Variants in BRSK1 observed in about 807,000 individuals in gnomAD.
BRSK1 encodes the protein BR serine/threonine kinase 1, also known as serine/threonine-protein kinase BRSK1.
Under a neutral mutation model 86.2 loss-of-function variants are expected in BRSK1, and 17 were observed. The ratio of observed to expected loss-of-function variants is 0.20; its 90% CI spans 0.14 to 0.30. The LOEUF (loss-of-function observed/expected upper bound fraction) is 0.30. Ranked by LOEUF, BRSK1 falls within the 10% of genes least tolerant of loss-of-function variation. The pLI, the probability that BRSK1 is intolerant of heterozygous loss-of-function variation, is 1.00. For missense variants in BRSK1, 719 were observed against 1,071.9 expected, an observed-to-expected ratio of 0.67 and a Z score of 4.60; for synonymous variants, 464 against 440.1, an observed-to-expected ratio of 1.05 and a Z score of -0.68.
At position 55,306,830 on chromosome 19, in the gene BRSK1, T is replaced by G. The variant is rs2088657142; in HGVS notation, c.2089+380T>G. 6.6e-6 allele frequency among the ~76,000 whole-genome samples: 1 copy of G among 152,102 alleles called. No homozygotes were observed. The highest frequency in any genetic ancestry group is 6.6e-5 in the Admixed American group (1 of 15,264). ...GCAGCCCAACCCAGGCCTCCCAACT[T>G]CAGAGGAGAGAGCCCAGCTCTTCCT... On this transcript the variant is annotated intron_variant, in intron 17 of 18. Transcript: ENST00000309383. The surrounding 1 kb of genome is among the most constrained non-coding windows in gnomAD (Gnocchi z 4.7).
At chr19:55,291,710 T>A (rs2088409027) in intron 4 of BRSK1, among the ~76,000 whole-genome samples, 1 of 152,202 alleles carries the variant, frequency 6.6e-6, no homozygotes, top group Non-Finnish European at 1.5e-5. Flanking sequence ...GGACTCAGAC[T>A]TTGGGTAAAG....
Position 55,294,544 on chromosome 19 carries a change from T to A in BRSK1, c.678+147T>A. The A allele has an allele frequency of 2.0e-6, 2 of 1,012,156 alleles. No homozygotes were observed. The highest frequency in any genetic ancestry group is 5.3e-5 in the East Asian group (2 of 37,956). 62.7% of individuals were successfully genotyped at this position (1,012,156 alleles called of 1,614,324 possible). ...TGAGACAGAGTCTTGCCCCGTCGCC[T>A]AGGCTGGAGTGCAGTGGTGTGATCT... On this transcript the variant is annotated intron_variant, in intron 7 of 18. Coordinates refer to ENST00000309383, the MANE Select transcript of BRSK1 (RefSeq NM_032430.2). The surrounding 1 kb of genome is among the most constrained non-coding windows in gnomAD (Gnocchi z 4.9).
Position 55,303,683 on chromosome 19 carries a change from T to C in BRSK1, c.1143T>C (p.Arg381=), listed in dbSNP as rs762234414. The change falls in exon 12 of 19, where the codon CGT becomes CGC. Residue 381 remains arginine, a synonymous_variant. Coordinates refer to ENST00000309383, the MANE Select transcript of BRSK1 (RefSeq NM_032430.2). The surrounding 1 kb of genome is among the most constrained non-coding windows in gnomAD (Gnocchi z 5.1). ...PRNDVDPPRK[R]VDSPMLSRHG... is the part of the protein sequence containing the mutation. ...GTCCCTCAGACCCCCCCCGGAAGCG[T>C]GTGGATTCTCCCATGCTGAGCCGTC... 2 of 1,607,674 alleles carry C rather than the reference T, an allele frequency of 1.2e-6. No individual in the cohort carries two copies. Among genetic ancestry groups the C allele is most frequent in the Non-Finnish European group, 1.7e-6 (2 of 1,176,398 alleles).
intron 1 of BRSK1, 109 bp from the exon 2 acceptor site, chr19:55,286,898 A>G: frequency 1.0e-6 from 1 of 983,788 alleles, no homozygotes; most frequent in Non-Finnish European, 1.6e-6. Context: ...CCATTGTTAA[A>G]CAGCCAGCCC....
intron 4 of BRSK1, among the ~76,000 whole-genome samples, chr19:55,292,366 A>T (rs1470746813): frequency 4.6e-5 from 7 of 152,178 alleles, no homozygotes; most frequent in Admixed American, 3.9e-4. Flanking sequence ...CAGATAAACT[A>T]ATATGACATC....
rs1440604831 is a variant in BRSK1 at position 55,306,271 on chromosome 19, G to A, written c.1910G>A (p.Ser637Asn). The change falls in exon 17 of 19, where the codon AGT becomes AAT. Residue 637 changes from serine to asparagine, a missense_variant. Around this residue, in one of 6 missense-constraint regions of BRSK1, gnomAD observed 180 missense variants for 259.4 expected, o/e 0.69. Transcript: ENST00000309383. This position sits in a 1 kb window ranked among gnomAD's most constrained non-coding sequence, Gnocchi z 4.7. ...AFLSIPSLSH[S>N]VLSQTSFRAE... ...GCTCAGATCCCCAGCCTGAGTCACAGTGTGCTGTCACAGACCAGCTTCAGG... is the reference window on the plus strand; with the variant it reads ...GCTCAGATCCCCAGCCTGAGTCACAATGTGCTGTCACAGACCAGCTTCAGG... 3 of 1,613,980 alleles carry A rather than the reference G, an allele frequency of 1.9e-6. No individual in the cohort carries two copies. The highest frequency in any genetic ancestry group is 2.5e-6 in the Non-Finnish European group (3 of 1,180,058).
At chr19:55,307,460 A>T (rs921615843) in intron 17 of BRSK1, among the ~76,000 whole-genome samples, 5 of 150,792 alleles carry the variant, frequency 3.3e-5, no homozygotes, top group African/African-American at 1.2e-4. Context: ...GAGGCAGGAG[A>T]ATCGCTTGAA....
chr19:55,286,354 T>TG (rs1277550281), intron 1 of BRSK1, among the ~76,000 whole-genome samples: 1 of 151,408 alleles, frequency 6.6e-6, no homozygotes, highest in Non-Finnish European at 1.5e-5. Context: ...TCGAGGGTCC[T>TG]GAGGAGAGGT....
Position 55,294,599 on chromosome 19 carries a change from T to A in BRSK1, c.678+202T>A, listed in dbSNP as rs1280442144. 6.6e-6 allele frequency among the ~76,000 whole-genome samples: 1 copy of A among 151,974 alleles called. No individual in the cohort carries two copies. The highest frequency in any genetic ancestry group is 1.9e-4 in the East Asian group (1 of 5,196). On this transcript the variant is annotated intron_variant, in intron 7 of 18. Transcript: ENST00000309383. The surrounding 1 kb of genome is among the most constrained non-coding windows in gnomAD (Gnocchi z 4.9). ...TCACTGCAACCTCTGCCTCCCAGCT[T>A]CAAGCAATTCTCCTGCCTCAGCCTC... is the stretch of plus-strand genomic sequence containing the variant.
chr19:55,310,643 C>G lies in BRSK1; in HGVS notation c.2180-1268C>G, dbSNP rs2123010201. Among the ~76,000 whole-genome samples the G allele has an allele frequency of 6.6e-6, 1 of 152,250 alleles. No individual in the cohort carries two copies. The highest frequency in any genetic ancestry group is 1.5e-5 in the Non-Finnish European group (1 of 68,016). On this transcript the variant is annotated intron_variant, in intron 18 of 18. Transcript: ENST00000309383. The surrounding 1 kb of genome is among the most constrained non-coding windows in gnomAD (Gnocchi z 5.0). ...GCCAATGGCCTCTTGTAGGTGGAGG[C>G]CAGGGATGCTGTAAAACACCCTACA...
intron 3 of BRSK1, 152 bp from the exon 4 acceptor site, chr19:55,289,328 C>T: frequency 2.3e-6 from 2 of 865,850 alleles, no homozygotes; most frequent in South Asian, 3.9e-5. Flanking sequence ...GAGTCTCTTC[C>T]TCCCAGGGAC....
rs1165949100 is a variant in BRSK1 at position 55,302,641 on chromosome 19, GA to G, written c.858-54del. ...GGTCCGGGATCATTGAGTCTAGAAT[GA>G]AGAATGCTGAATCTCAGAAGCCCGG... On this transcript the variant is annotated intron_variant, in intron 9 of 18. Coordinates refer to ENST00000309383, the MANE Select transcript of BRSK1 (RefSeq NM_032430.2). This position sits in a 1 kb window ranked among gnomAD's most constrained non-coding sequence, Gnocchi z 6.3. The G allele has an allele frequency of 2.6e-6, 4 of 1,564,266 alleles. No individual in the cohort carries two copies. The Admixed American group carries it at 5.4e-5, about 21-fold the overall frequency.
At chr19:55,305,823 C>T (rs1205018473) in intron 16 of BRSK1, among the ~76,000 whole-genome samples, 1 of 152,202 alleles carries the variant, frequency 6.6e-6, no homozygotes, top group Non-Finnish European at 1.5e-5. Flanking sequence ...GGTGAGTTCC[C>T]ATTCCCCTAC....
At chr19:55,293,082 G>A (rs1022458722) in intron 4 of BRSK1, among the ~76,000 whole-genome samples, 3 of 151,768 alleles carry the variant, frequency 2.0e-5, no homozygotes, top group Non-Finnish European at 2.9e-5. Flanking sequence ...AAAATAGGCC[G>A]GGCGCGGTGG....
In BRSK1 at chr19:55,302,662, G is replaced by A; in HGVS notation, c.858-35G>A. The A allele has an allele frequency of 6.3e-7, 1 of 1,584,160 alleles. No individual in the cohort carries two copies. The highest frequency in any genetic ancestry group is 1.1e-5 in the South Asian group (1 of 89,020). On this transcript the variant is annotated intron_variant, in intron 9 of 18. Coordinates refer to ENST00000309383, the MANE Select transcript of BRSK1 (RefSeq NM_032430.2). This position sits in a 1 kb window ranked among gnomAD's most constrained non-coding sequence, Gnocchi z 6.3. ...GAATGAAGAATGCTGAATCTCAGAA[G>A]CCCGGTTCCCAATAATGTTTCTCCA...
At chr19:55,290,490 T>C (rs1372092067) in intron 4 of BRSK1, among the ~76,000 whole-genome samples, 1 of 152,214 alleles carries the variant, frequency 6.6e-6, no homozygotes, top group Admixed American at 6.5e-5. Context: ...TTATTCTAGA[T>C]GCAAGTCTTT....
rs2088273006 is a variant in BRSK1 at position 55,284,169 on chromosome 19, G to A, written c.-274G>A. On this transcript the variant is annotated 5_prime_UTR_variant, in exon 1 of 19. Coordinates refer to ENST00000309383, the MANE Select transcript of BRSK1 (RefSeq NM_032430.2). ...GCGGGGGGAGGCGCAGGAAGCGGGG[G>A]GCCGGCCAGAAACGGGCTGGGGAGG... 3 of 1,047,896 alleles carry A rather than the reference G, an allele frequency of 2.9e-6. No individual in the cohort carries two copies. Among genetic ancestry groups the A allele is most frequent in the East Asian group, 3.3e-5 (1 of 30,472 alleles). 64.9% of individuals were successfully genotyped at this position (1,047,896 alleles called of 1,614,324 possible).
intron 7 of BRSK1, among the ~76,000 whole-genome samples, chr19:55,297,137 C>T (rs1032839461): frequency 1.1e-4 from 17 of 152,188 alleles, no homozygotes; most frequent in Admixed American, 5.9e-4. Context: ...AGTGTAGTGG[C>T]GCCATCTCGG....
chr19:55,286,240 C>G (rs1199036738), intron 1 of BRSK1, among the ~76,000 whole-genome samples: 1 of 121,486 alleles, frequency 8.2e-6, no homozygotes, highest in Non-Finnish European at 1.8e-5. Flanking sequence ...GGCCTGGACT[C>G]CTGGGTCTGA....
Sources: gnomAD v4.1 joint callset for allele counts (sites outside exome capture counted in the v4.1 genomes callset) on GRCh38, gnomAD v4.1.1 for gene constraint, gnomAD v4.1.1 regional missense constraint, Gnocchi (gnomAD v3.1) non-coding constraint, MANE v1.5 for transcripts, NCBI Gene and HGNC (gene_info 2026-07-23, HGNC 2026-07-21) for gene names.